The following ERBB2 variants were observed in gnomAD, a reference collection of about 807,000 sequenced individuals.
ERBB2 encodes the protein receptor tyrosine-protein kinase erbB-2.
ERBB2 carries 61 observed loss-of-function variants against 149.0 expected under a neutral mutation model. The observed-to-expected ratio is 0.41, with a 90% CI of 0.33 to 0.51. The LOEUF is 0.51. ERBB2 is among the 20% of genes least tolerant of loss of function. ERBB2 has a pLI of 0.25. For missense variants in ERBB2, 1,205 were observed against 1,655.1 expected, an observed-to-expected ratio of 0.73 and a Z score of 4.72; for synonymous variants, 633 against 678.8, an observed-to-expected ratio of 0.93 and a Z score of 1.05.
chr17:39,721,389 C>G (rs1163051051), intron 16 of ERBB2, among the ~76,000 whole-genome samples: 1 of 151,046 alleles, frequency 6.6e-6, no homozygotes, highest in African/African-American at 2.4e-5. Context: ...ATCCTCCTGT[C>G]TCAGCCCCCC....
upstream of ERBB2, among the ~76,000 whole-genome samples, chr17:39,691,431 C>T (rs965220200): frequency 4.6e-5 from 7 of 151,528 alleles, no homozygotes; most frequent in African/African-American, 1.7e-4. Flanking sequence ...GTAATCCCAG[C>T]TACTCCGGAA....
In ERBB2 at chr17:39,715,457, A is replaced by G. The variant is rs758908894; in HGVS notation, c.1234A>G (p.Ile412Val). ...CCCTCTGCCTGCAGGTTACCTATAC[A>G]TCTCAGCATGGCCGGACAGCCTGCC... is the stretch of plus-strand genomic sequence containing the variant. ...TLEEITGYLY[I>V]SAWPDSLPDL... The change falls in exon 11 of 27, where the codon ATC (isoleucine) becomes GTC (valine). Residue 412 changes from isoleucine (I) to valine (V), a missense_variant. By Grantham distance (29) the Ile-to-Val change is conservative (BLOSUM62 3). Coordinates refer to ENST00000269571, the MANE Select transcript of ERBB2 (RefSeq NM_004448.4). The G allele has an allele frequency of 1.2e-6, 2 of 1,614,114 alleles. No homozygotes were observed. Among genetic ancestry groups the G allele is most frequent in the Admixed American group, 1.7e-5 (1 of 60,004 alleles).
chr17:39,716,184 G>A lies in ERBB2; in HGVS notation c.1514-117G>A, dbSNP rs369771993. ...TCAGAACTCTTCCTCTCCCTACATC[G>A]GCCCCACCTGTCCCCACCCCTCCAG... On this transcript the variant is annotated intron_variant, in intron 12 of 26. Transcript: ENST00000269571. The A allele has an allele frequency of 2.4e-5, 28 of 1,170,584 alleles. 1 individual carries two copies. The highest frequency in any genetic ancestry group is 5.8e-4 in the Middle Eastern group (2 of 3,444). The allele number at this position is 1,170,584 out of a possible 1,614,324, so 72.5% of individuals were successfully genotyped here. A position where few individuals can be genotyped will look rare whatever the true frequency, so the allele number is the denominator to read the frequency against.
In ERBB2 at chr17:39,723,843, T is replaced by A. The variant is rs917749350; in HGVS notation, c.2209-69T>A. ...TGAAGGATGTTTGGAGGACAAGTAA[T>A]GATCTCCTGGAAGGCAGGTAGGATC... is the stretch of plus-strand genomic sequence containing the variant. On this transcript the variant is annotated intron_variant, in intron 18 of 26. Transcript: ENST00000269571. The surrounding 1 kb of genome is among the most constrained non-coding windows in gnomAD (Gnocchi z 6.2). The A allele has an allele frequency of 6.6e-7, 1 of 1,512,712 alleles. No individual in the cohort carries two copies. Among genetic ancestry groups the A allele is most frequent in the Admixed American group, 1.7e-5 (1 of 59,178 alleles). The allele number at this position is 1,512,712 out of a possible 1,614,324, so 93.7% of individuals were successfully genotyped here. A position where few individuals can be genotyped will look rare whatever the true frequency, so the allele number is the denominator to read the frequency against.
chr17:39,700,373 C>T (rs1168446751), intron 1 of ERBB2, 62 bp downstream of exon 1: 18 of 1,228,476 alleles, frequency 1.5e-5, no homozygotes, highest in Non-Finnish European at 1.8e-5. Context: ...GATGCCCCGC[C>T]GAGGTCCCGC....
At position 39,708,377 on chromosome 17, in the gene ERBB2, C is replaced by A. The variant is rs756850857; in HGVS notation, c.282C>A (p.Val94=). ...VLIAHNQVRQ[V]PLQRLRIVRG... is the part of the protein sequence containing the mutation. ...TCGCTCACAACCAAGTGAGGCAGGT[C>A]CCACTGCAGAGGCTGCGGATTGTGC... Residue 94 remains valine (V), a synonymous_variant, in exon 3 of 27, where the codon GTC becomes GTA. Coordinates refer to ENST00000269571, the MANE Select transcript of ERBB2 (RefSeq NM_004448.4). 10 of 1,614,056 alleles carry A rather than the reference C, an allele frequency of 6.2e-6. No homozygotes were observed. In the African/African-American group the frequency reaches 1.3e-4, roughly 22 times the overall value.
At chr17:39,706,356 C>T (rs1567896560) in intron 1 of ERBB2, among the ~76,000 whole-genome samples, 1 of 152,210 alleles carries the variant, frequency 6.6e-6, no homozygotes, top group East Asian at 1.9e-4. Context: ...TCCAGATGCC[C>T]ACAACTGGAA....
upstream of ERBB2, among the ~76,000 whole-genome samples, chr17:39,697,317 T>G (rs1392998345): frequency 3.3e-5 from 5 of 152,066 alleles, no homozygotes; most frequent in Admixed American, 1.3e-4. Flanking sequence ...CACCTTATCC[T>G]TACTATATGA....
chr17:39,722,416 C>T (rs917413959), intron 16 of ERBB2, among the ~76,000 whole-genome samples: 1 of 152,132 alleles, frequency 6.6e-6, no homozygotes, highest in African/African-American at 2.4e-5. Flanking sequence ...GGTGGAAAGA[C>T]TGCTTGAGCC....
chr17:39,727,359 T>C lies in ERBB2; in HGVS notation c.3224T>C (p.Leu1075Pro). Residue 1075 changes from leucine (L) to proline (P), a missense_variant, in exon 26 of 27, where the codon CTG (leucine) becomes CCG (proline). By Grantham distance (98) the Leu-to-Pro change is moderately conservative. This residue lies in a region of ERBB2 where 312 missense variants were observed against 343.8 expected (regional missense o/e 0.91). Transcript: ENST00000269571. This position sits in a 1 kb window ranked among gnomAD's most constrained non-coding sequence, Gnocchi z 4.3. The stretch of plus-strand genomic sequence containing the variant: ...GAAGAGGAGGCCCCCAGGTCTCCAC[T>C]GGCACCCTCCGAAGGGGCTGGCTCC... The part of the protein sequence containing the change: ...PSEEEAPRSP[L>P]APSEGAGSDV... The C allele has an allele frequency of 8.1e-6, 13 of 1,611,924 alleles. No homozygotes were observed. Among genetic ancestry groups the C allele is most frequent in the Non-Finnish European group, 1.0e-5 (12 of 1,179,248 alleles).
intron 12 of ERBB2, 95 bp downstream of exon 12, chr17:39,716,034 C>G: frequency 4.8e-6 from 6 of 1,263,042 alleles, no homozygotes; most frequent in Non-Finnish European, 6.6e-6. Context: ...CTTGTGCAGA[C>G]TGCCCGTCTC....
chr17:39,691,598 C>CACACAT (rs1567885946), upstream of ERBB2, among the ~76,000 whole-genome samples: 1 of 144,538 alleles, frequency 6.9e-6, no homozygotes. Flanking sequence ...CACACACACA[C>CACACAT]ACATACCCTC....
upstream of ERBB2, among the ~76,000 whole-genome samples, chr17:39,695,749 A>G (rs1180926544): frequency 6.8e-6 from 1 of 147,426 alleles, no homozygotes; most frequent in Non-Finnish European, 1.5e-5. Flanking sequence ...ACACACACAC[A>G]CACACACACG....
chr17:39,713,380 C>T (rs1290568541), intron 9 of ERBB2: 1 of 152,062 alleles, frequency 6.6e-6, no homozygotes, highest in Non-Finnish European at 1.5e-5. Context: ...CCACCTCAGC[C>T]TCCCAAAGTG....
rs1450026891 is a variant in ERBB2, at chr17:39,724,272, A to T, written c.2307+262A>T. Among the ~76,000 whole-genome samples the T allele has an allele frequency of 1.7e-4, 13 of 77,006 alleles. 1 individual carries two copies. The highest frequency in any genetic ancestry group is 2.7e-4 in the African/African-American group (6 of 21,928). The allele number at this position is 77,006 out of a possible 152,430, so 50.5% of individuals were successfully genotyped here. On this transcript the variant is annotated intron_variant, in intron 19 of 26. Transcript: ENST00000269571. ...TAGCTGGGATTACAAGCGCCCGCTA[A>T]TTTTTTTTTTTTTTTTGAGACAGAG...
chr17:39,721,078 C>T (rs1012609976), intron 16 of ERBB2, among the ~76,000 whole-genome samples: 5 of 152,120 alleles, frequency 3.3e-5, no homozygotes, highest in Admixed American at 1.3e-4. Flanking sequence ...TCTGCAGTAG[C>T]TGGGACTATA....
At chr17:39,701,562 A>T (rs745394838) in intron 1 of ERBB2, among the ~76,000 whole-genome samples, 1 of 152,144 alleles carries the variant, frequency 6.6e-6, no homozygotes, top group African/African-American at 2.4e-5. Context: ...AGTGGGTGTC[A>T]TCGTGGCTGT....
chr17:39,710,887 T>G (rs1012268357), intron 7 of ERBB2, among the ~76,000 whole-genome samples: 5 of 152,244 alleles, frequency 3.3e-5, no homozygotes, highest in African/African-American at 4.8e-5. Context: ...GCTTTTATTC[T>G]ATAGCCTGGT....
chr17:39,697,088 T>C (rs1039873193), upstream of ERBB2, among the ~76,000 whole-genome samples: 2 of 152,080 alleles, frequency 1.3e-5, no homozygotes, highest in African/African-American at 4.8e-5. Flanking sequence ...TGCCCAACTT[T>C]TCTCTCTAGC....
Sources: gnomAD v4.1 joint callset for allele counts (sites outside exome capture counted in the v4.1 genomes callset) on GRCh38, gnomAD v4.1.1 for gene constraint, gnomAD v4.1.1 regional missense constraint, Gnocchi (gnomAD v3.1) non-coding constraint, MANE v1.5 for transcripts, NCBI Gene and HGNC (gene_info 2026-07-23, HGNC 2026-07-21) for gene names.